Variants in ACVR1C observed in about 807,000 individuals in gnomAD.
ACVR1C encodes the protein activin A receptor type 1C.
In ACVR1C, 23 loss-of-function variants were observed where a neutral mutation model predicts 57.9. The observed-to-expected ratio is 0.40, with a 90% confidence interval of 0.29 to 0.56. The LOEUF is 0.56. ACVR1C is among the 20% of genes least tolerant of loss of function. The pLI is 0.50. For synonymous variants in ACVR1C, 214 were observed against 215.3 expected (o/e 0.99, Z 0.05); for missense variants, 480 against 607.9 (o/e 0.79, Z 2.21).
intron 3 of ACVR1C, among the ~76,000 whole-genome samples, chr2:157,555,104 T>TTTTTTTTTTTTTTG (rs1688066527): frequency 3.3e-5 from 2 of 60,892 alleles, no homozygotes; most frequent in African/African-American, 1.9e-4. Flanking sequence ...TTGAACGCTT[T>TTTTTTTTTTTTTTG]TTTTTTTTTT....
At chr2:157,607,676 T>G (rs1682436826) in intron 1 of ACVR1C, among the ~76,000 whole-genome samples, 1 of 151,746 alleles carries the variant, frequency 6.6e-6, no homozygotes, top group African/African-American at 2.4e-5. Flanking sequence ...TGTATAGATG[T>G]TTCACATTCT....
At chr2:157,616,607 A>T (rs892664751) in intron 1 of ACVR1C, among the ~76,000 whole-genome samples, 7 of 152,136 alleles carry the variant, frequency 4.6e-5, no homozygotes, top group Non-Finnish European at 1.0e-4. Flanking sequence ...CCTCATAATT[A>T]TTGGTTGATG....
rs140896607 is a variant in ACVR1C at position 157,572,404 on chromosome 2, G to A, written c.304+14783C>T. ...TAAAAAAAAAAAAAAGTCTATGCTA[G>A]CATAACTTCTCCACAGCTAGTATAT... On this transcript the variant is annotated intron_variant, in intron 2 of 8. Coordinates refer to ENST00000243349, the MANE Select transcript of ACVR1C (RefSeq NM_145259.3). Among the ~76,000 whole-genome samples the A allele has an allele frequency of 6.7e-3, 1,001 of 150,472 alleles. 12 individuals carry two copies. The highest frequency in any genetic ancestry group is 0.023 in the African/African-American group (927 of 40,952).
At chr2:157,546,002 G>A (rs565186579) in intron 4 of ACVR1C, among the ~76,000 whole-genome samples, 9 of 151,944 alleles carry the variant, frequency 5.9e-5, no homozygotes, top group Non-Finnish European at 1.2e-4. Context: ...GGCTAATCTC[G>A]AACTCCTGAC....
At position 157,552,764 on chromosome 2, in the gene ACVR1C, T is replaced by A. The variant is rs528355268; in HGVS notation, c.545-2372A>T. ...AGCAATTAAATTGAGACATTAAAAC[T>A]CAATAAAATTTGCTTTGGTATCTTT... On this transcript the variant is annotated intron_variant, in intron 3 of 8. Transcript: ENST00000243349. Among the ~76,000 whole-genome samples, 6 of 152,328 alleles carry A rather than the reference T, an allele frequency of 3.9e-5. No homozygotes were observed. The South Asian group carries it at 1.2e-3, about 32-fold the overall frequency.
chr2:157,608,904 C>A (rs1223563736), intron 1 of ACVR1C, among the ~76,000 whole-genome samples: 1 of 151,714 alleles, frequency 6.6e-6, no homozygotes, highest in Non-Finnish European at 1.5e-5. Context: ...TTTTGTTTAT[C>A]TTTTCAAAGA....
Position 157,541,223 on chromosome 2 carries a change from A to G in ACVR1C, c.1101-9T>C. On this transcript the variant is annotated splice_polypyrimidine_tract_variant and intron_variant, in intron 6 of 8. Coordinates refer to ENST00000243349, the MANE Select transcript of ACVR1C (RefSeq NM_145259.3). ...TTTCAGGAGCCATATACCTTCAAAA[A>G]CATGTACATTTCAGATTCTGTCTAT... The G allele has an allele frequency of 6.2e-7, 1 of 1,609,154 alleles. No individual in the cohort carries two copies. Among genetic ancestry groups the G allele is most frequent in the Non-Finnish European group, 8.5e-7 (1 of 1,178,542 alleles).
At chr2:157,574,126 G>A (rs746116325) in intron 2 of ACVR1C, among the ~76,000 whole-genome samples, 2 of 152,196 alleles carry the variant, frequency 1.3e-5, no homozygotes, top group South Asian at 2.1e-4. Flanking sequence ...CAGGAATCTG[G>A]ATTTTTATAT....
chr2:157,532,958 A>C lies in ACVR1C; in HGVS notation c.*960T>G, dbSNP rs1687391316. On this transcript the variant is annotated 3_prime_UTR_variant, in exon 9 of 9. Coordinates refer to ENST00000243349, the MANE Select transcript of ACVR1C (RefSeq NM_145259.3). ...TGATTAATCTTTGGAAGTGTTCAGA[A>C]AACATTAATGCTCATTAACAAATGG... 6.6e-6 allele frequency: 1 copy of C among 152,210 alleles called. No individual in the cohort carries two copies. Among genetic ancestry groups the C allele is most frequent in the Non-Finnish European group, 1.5e-5 (1 of 68,034 alleles). The allele number at this position is 152,210 out of a possible 1,614,324, so 9.4% of individuals were successfully genotyped here. A position where few individuals can be genotyped will look rare whatever the true frequency, so the allele number is the denominator to read the frequency against.
intron 1 of ACVR1C, among the ~76,000 whole-genome samples, chr2:157,607,213 A>G (rs1209708756): frequency 1.3e-5 from 2 of 151,866 alleles, no homozygotes; most frequent in Non-Finnish European, 3.0e-5. Context: ...TGGTCACTAT[A>G]GCCTTCCAAT....
At chr2:157,627,125 A>G (rs762789939) in intron 1 of ACVR1C, among the ~76,000 whole-genome samples, 2 of 152,200 alleles carry the variant, frequency 1.3e-5, no homozygotes, top group Non-Finnish European at 2.9e-5. Flanking sequence ...CAGCCAAGTT[A>G]TCAGCTCCTC....
intron 8 of ACVR1C, 61 bp downstream of exon 8, chr2:157,538,512 T>C: frequency 3.6e-6 from 5 of 1,381,414 alleles, no homozygotes; most frequent in Non-Finnish European, 3.8e-6. Context: ...CTCTGAAAAG[T>C]CTCCCCGATA....
chr2:157,541,471 T>C (rs906560878), intron 6 of ACVR1C, among the ~76,000 whole-genome samples: 1 of 152,196 alleles, frequency 6.6e-6, no homozygotes, highest in Admixed American at 6.5e-5. Context: ...AGAGTCAGTA[T>C]AAGAAATCTA....
At chr2:157,607,346 GA>G (rs1397597993) in intron 1 of ACVR1C, among the ~76,000 whole-genome samples, 3 of 144,640 alleles carry the variant, frequency 2.1e-5, no homozygotes, top group Non-Finnish European at 4.5e-5. Context: ...ATATTTCTGT[GA>G]AAAATGACAT....
At chr2:157,608,697 A>G (rs565219240) in intron 1 of ACVR1C, among the ~76,000 whole-genome samples, 1 of 151,826 alleles carries the variant, frequency 6.6e-6, no homozygotes, top group African/African-American at 2.4e-5. Context: ...TTCTGATTCA[A>G]TCTTGATAGG....
chr2:157,599,314 C>CAAAAAAAAAAAAAAAAAAAA (rs60182304), intron 1 of ACVR1C, among the ~76,000 whole-genome samples: 1 of 40,602 alleles, frequency 2.5e-5, no homozygotes, highest in Non-Finnish European at 4.2e-5. Context: ...AGCCTGGGCT[C>CAAAAAAAAAAAAAAAAAAAA]AAAAAAAAAA....
rs186647808 is a variant in ACVR1C, at chr2:157,599,559, C to T, written c.74-12142G>A. On this transcript the variant is annotated intron_variant, in intron 1 of 8. Coordinates refer to ENST00000243349, the MANE Select transcript of ACVR1C (RefSeq NM_145259.3). Reference sequence around the variant, plus strand: ...CAGTACTGGAGCACAAATCTTAACACTGTATTTGATCAGCCTGCACACTTT... The same window carrying T: ...CAGTACTGGAGCACAAATCTTAACATTGTATTTGATCAGCCTGCACACTTT... Among the ~76,000 whole-genome samples, 253 of 152,174 alleles carry T rather than the reference C, an allele frequency of 1.7e-3. 4 individuals carry two copies. Among genetic ancestry groups the T allele is most frequent in the Middle Eastern group, 0.014 (4 of 294 alleles).
At position 157,615,639 on chromosome 2, in the gene ACVR1C, G is replaced by C. The variant is rs76270141; in HGVS notation, c.73+12933C>G. 1.1e-4 allele frequency among the ~76,000 whole-genome samples: 17 copies of C among 152,166 alleles called. 1 individual carries two copies. Among genetic ancestry groups the C allele is most frequent in the Non-Finnish European group, 2.1e-4 (14 of 68,018 alleles). On this transcript the variant is annotated intron_variant, in intron 1 of 8. Transcript: ENST00000243349. ...AATCCTTCCACCTTGGCCTCCCAAA[G>C]TGCTGGGATTACATAAGTTCTTATT...
At chr2:157,534,956 G>A (rs1687446277) in intron 8 of ACVR1C, among the ~76,000 whole-genome samples, 2 of 152,126 alleles carry the variant, frequency 1.3e-5, no homozygotes, top group African/African-American at 4.8e-5. Flanking sequence ...AGGAGTTCAA[G>A]ACCAACCTGA....
Sources: gnomAD v4.1 joint callset for allele counts (sites outside exome capture counted in the v4.1 genomes callset) on GRCh38, gnomAD v4.1.1 for gene constraint, MANE v1.5 for transcripts, NCBI Gene and HGNC (gene_info 2026-07-23, HGNC 2026-07-21) for gene names.